The following KLHL14 variants were observed in gnomAD, a reference collection of about 807,000 sequenced individuals.
KLHL14 encodes the protein kelch-like protein 14.
KLHL14 carries 22 observed loss-of-function variants against 64.3 expected under a neutral mutation model. That is an observed-to-expected ratio of 0.34 (90% CI 0.24 to 0.49). KLHL14 has a LOEUF of 0.49. Among genes scored for constraint, KLHL14 ranks in the 20% least tolerant of loss-of-function variants. KLHL14 has a pLI of 0.99. For missense variants in KLHL14, 661 were observed against 789.0 expected, an observed-to-expected ratio of 0.84 and a Z score of 1.94; for synonymous variants, 322 against 333.4, an observed-to-expected ratio of 0.97 and a Z score of 0.37.
intron 2 of KLHL14, among the ~76,000 whole-genome samples, chr18:32,760,046 C>T (rs983785825): frequency 2.0e-5 from 3 of 152,192 alleles, no homozygotes; most frequent in African/African-American, 4.8e-5. Flanking sequence ...GCACAGGATG[C>T]TCTGATGTGG....
chr18:32,727,700 T>C (rs1432700702), intron 3 of KLHL14, among the ~76,000 whole-genome samples: 1 of 152,200 alleles, frequency 6.6e-6, no homozygotes, highest in East Asian at 1.9e-4. Flanking sequence ...TTTAATCCCA[T>C]GAAATGTTTA....
At position 32,680,366 on chromosome 18, in the gene KLHL14, T is replaced by C; in HGVS notation, c.1430-39A>G. 6.2e-7 allele frequency: 1 copy of C among 1,613,640 alleles called. No individual in the cohort carries two copies. The highest frequency in any genetic ancestry group is 8.5e-7 in the Non-Finnish European group (1 of 1,179,630). ...ATAGACATACAAGTCAAGAGAGTGC[T>C]TTGGAACTGAACTTTGTAACAGAAA... On this transcript the variant is annotated intron_variant, in intron 6 of 8. Coordinates refer to ENST00000359358, the MANE Select transcript of KLHL14 (RefSeq NM_020805.3). This position sits in a 1 kb window ranked among gnomAD's most constrained non-coding sequence, Gnocchi z 4.8.
chr18:32,732,516 G>C (rs1282523542), intron 3 of KLHL14, among the ~76,000 whole-genome samples: 1 of 152,180 alleles, frequency 6.6e-6, no homozygotes, highest in Admixed American at 6.5e-5. Context: ...TTTGAAATTA[G>C]ATGTGGCTGA....
At chr18:32,761,627 C>G (rs1464142934) in intron 2 of KLHL14, among the ~76,000 whole-genome samples, 1 of 152,062 alleles carries the variant, frequency 6.6e-6, no homozygotes, top group Admixed American at 6.5e-5. Flanking sequence ...GGTGTCCCAG[C>G]CCATGCCACT....
chr18:32,697,831 G>A (rs978512414), intron 3 of KLHL14, among the ~76,000 whole-genome samples: 6 of 152,126 alleles, frequency 3.9e-5, no homozygotes, highest in African/African-American at 1.4e-4. Context: ...AGAAAAGAAG[G>A]TCTTTGAAGT....
At position 32,677,244 on chromosome 18, in the gene KLHL14, C is replaced by T; in HGVS notation, c.1675G>A (p.Gly559Ser). ...WNILQTPILE[G>S]RSGPGCAVLD... ...ACTGCACAGCCAGGGCCACTTCGAC[C>T]CTCCAAAATGGGAGTTTGGAGTATA... The change falls in exon 8 of 9, where the codon GGT (glycine) becomes AGT (serine). Residue 559 changes from glycine to serine, a missense_variant. Gly to Ser is a moderately conservative substitution (Grantham distance 56). This residue lies in a region of KLHL14 where 330 missense variants were observed against 450.0 expected (regional missense o/e 0.73). Coordinates refer to ENST00000359358, the MANE Select transcript of KLHL14 (RefSeq NM_020805.3). The T allele has an allele frequency of 6.2e-7, 1 of 1,613,636 alleles. No homozygotes were observed. The highest frequency in any genetic ancestry group is 8.5e-7 in the Non-Finnish European group (1 of 1,179,674).
intron 3 of KLHL14, among the ~76,000 whole-genome samples, chr18:32,697,585 T>A (rs999841508): frequency 2.5e-4 from 38 of 151,912 alleles, no homozygotes; most frequent in East Asian, 7.7e-4. Flanking sequence ...TATCTTTTTT[T>A]AAAAAAAACA....
At chr18:32,715,530 A>G (rs1274252300) in intron 3 of KLHL14, among the ~76,000 whole-genome samples, 1 of 152,090 alleles carries the variant, frequency 6.6e-6, no homozygotes, top group Non-Finnish European at 1.5e-5. Flanking sequence ...AGTAGCTTCA[A>G]CCTATCCTTT....
chr18:32,747,729 A>G (rs1158996904), intron 2 of KLHL14, among the ~76,000 whole-genome samples: 1 of 152,152 alleles, frequency 6.6e-6, no homozygotes, highest in Non-Finnish European at 1.5e-5. Flanking sequence ...GCTTTCTAAA[A>G]TCACAGTAGT....
At chr18:32,733,355 G>A (rs992800288) in intron 3 of KLHL14, among the ~76,000 whole-genome samples, 5 of 151,114 alleles carry the variant, frequency 3.3e-5, no homozygotes, top group Non-Finnish European at 7.4e-5. Context: ...GTGTGTGTGT[G>A]TGAGAGAGAC....
In KLHL14 at chr18:32,770,488, A is replaced by G; in HGVS notation, c.104T>C (p.Val35Ala). Residue 35 changes from valine (V) to alanine (A), a missense_variant, in exon 2 of 9, where the codon GTG becomes GCG. Coordinates refer to ENST00000359358, the MANE Select transcript of KLHL14 (RefSeq NM_020805.3). This position sits in a 1 kb window ranked among gnomAD's most constrained non-coding sequence, Gnocchi z 6.7. ...LLWRKQLFCD[V>A]TLTAQGQQFH... ...CTGCTGGCCCTGGGCCGTCAGGGTCACGTCGCAAAACAGCTGCTTCCTCCA... is the reference window on the plus strand; with the variant it reads ...CTGCTGGCCCTGGGCCGTCAGGGTCGCGTCGCAAAACAGCTGCTTCCTCCA... 2 of 1,612,356 alleles carry G rather than the reference A, an allele frequency of 1.2e-6. No homozygotes were observed. Among genetic ancestry groups the G allele is most frequent in the Admixed American group, 1.7e-5 (1 of 60,008 alleles).
chr18:32,772,250 C>A, intron 1 of KLHL14: 1 of 398,516 alleles, frequency 2.5e-6, no homozygotes, highest in Non-Finnish European at 5.1e-6. Flanking sequence ...TTATACCGGA[C>A]TGGGCTCCTT....
At chr18:32,675,409 TAAAAA>T (rs1309916360) in intron 8 of KLHL14, among the ~76,000 whole-genome samples, 5 of 152,108 alleles carry the variant, frequency 3.3e-5, no homozygotes, top group Middle Eastern at 3.2e-3. Context: ...TGGTTTAAGT[TAAAAA>T]AGAAAAGAGA....
chr18:32,766,773 GA>G (rs1374492043), intron 2 of KLHL14, among the ~76,000 whole-genome samples: 1 of 152,040 alleles, frequency 6.6e-6, no homozygotes, highest in African/African-American at 2.4e-5. Flanking sequence ...CAAGCAACAA[GA>G]GGGAACATTT....
At chr18:32,759,013 G>A (rs2050299337) in intron 2 of KLHL14, among the ~76,000 whole-genome samples, 1 of 152,156 alleles carries the variant, frequency 6.6e-6, no homozygotes, top group Admixed American at 6.5e-5. Context: ...TGATTAAAAT[G>A]TTCTAAAATT....
chr18:32,734,855 C>T (rs1426371840), intron 3 of KLHL14, among the ~76,000 whole-genome samples: 1 of 151,958 alleles, frequency 6.6e-6, no homozygotes, highest in East Asian at 1.9e-4. Context: ...TATTTCAATT[C>T]AGGTCTATCT....
chr18:32,725,885 T>C (rs1379741007), intron 3 of KLHL14, among the ~76,000 whole-genome samples: 1 of 152,222 alleles, frequency 6.6e-6, no homozygotes, highest in African/African-American at 2.4e-5. Flanking sequence ...TTGTTTTACC[T>C]CTTTATGCCT....
intron 2 of KLHL14, among the ~76,000 whole-genome samples, chr18:32,749,000 A>C (rs2050238875): frequency 1.3e-5 from 2 of 152,136 alleles, no homozygotes; most frequent in South Asian, 4.1e-4. Flanking sequence ...ATTATCATCA[A>C]TATTATCTGT....
chr18:32,696,245 C>T (rs1416303148), intron 3 of KLHL14, among the ~76,000 whole-genome samples: 1 of 152,106 alleles, frequency 6.6e-6, no homozygotes, highest in Non-Finnish European at 1.5e-5. Context: ...CCTTGCCTCT[C>T]CCTTCTCTCT....
Sources: allele counts gnomAD v4.1 joint callset (sites outside exome capture counted in the v4.1 genomes callset), GRCh38; gene constraint gnomAD v4.1.1; regional missense constraint gnomAD v4.1.1; non-coding constraint Gnocchi (gnomAD v3.1); transcripts MANE v1.5; gene names NCBI Gene and HGNC (gene_info 2026-07-23, HGNC 2026-07-21).